The following EPHA4 variants were observed in gnomAD, a reference collection of about 807,000 sequenced individuals.
The protein encoded by EPHA4 is EPH receptor A4.
EPHA4 carries 19 observed loss-of-function variants against 108.3 expected under a neutral mutation model. That is an observed-to-expected ratio of 0.18 (90% CI 0.12 to 0.26). EPHA4 has a LOEUF of 0.26. Ranked by LOEUF, EPHA4 falls within the 10% of genes least tolerant of loss-of-function variation. The pLI is 1.00. For synonymous variants in EPHA4, 449 were observed against 455.5 expected (o/e 0.99, Z 0.18); for missense variants, 917 against 1,254.0 (o/e 0.73, Z 4.06).
chr2:221,425,550 CAAGCCCTAA>C lies in EPHA4; in HGVS notation c.*469_*477del, dbSNP rs1210594070. 6.5e-6 allele frequency: 1 copy of C among 154,414 alleles called. No individual in the cohort carries two copies. Among genetic ancestry groups the C allele is most frequent in the Admixed American group, 6.4e-5 (1 of 15,552 alleles). 9.6% of individuals were successfully genotyped at this position (154,414 alleles called of 1,614,324 possible). A position where few individuals can be genotyped will look rare whatever the true frequency, so the allele number is the denominator to read the frequency against. The stretch of plus-strand genomic sequence containing the variant: ...CTTTTTTTTCCCCCATGGTATGAAC[CAAGCCCTAA>C]AAGCCACAGCTGAGTCCTTAAAAAA... On this transcript the variant is annotated 3_prime_UTR_variant, in exon 17 of 18. Coordinates refer to ENST00000281821, the MANE Select transcript of EPHA4 (RefSeq NM_004438.5).
rs2106216424 is a variant in EPHA4 at position 221,571,138 on chromosome 2, A to T, written c.91+1020T>A. Among the ~76,000 whole-genome samples, 1 of 152,060 alleles carries T rather than the reference A, an allele frequency of 6.6e-6. No individual in the cohort carries two copies. Among genetic ancestry groups the T allele is most frequent in the Middle Eastern group, 3.4e-3 (1 of 294 alleles). ...CGCGCACCTACATACACGCAGTTGC[A>T]CGCGCGCGCACACACACAGGCACAC... On this transcript the variant is annotated intron_variant, in intron 1 of 17. Coordinates refer to ENST00000281821, the MANE Select transcript of EPHA4 (RefSeq NM_004438.5). This position sits in a 1 kb window ranked among gnomAD's most constrained non-coding sequence, Gnocchi z 6.3.
At chr2:221,529,555 T>G (rs1006909081) in intron 3 of EPHA4, among the ~76,000 whole-genome samples, 1 of 152,250 alleles carries the variant, frequency 6.6e-6, no homozygotes, top group Admixed American at 6.5e-5. Context: ...ACAGAGCTAA[T>G]TATTTTGACC....
At chr2:221,528,550 C>G (rs545119477) in intron 3 of EPHA4, among the ~76,000 whole-genome samples, 2 of 152,290 alleles carry the variant, frequency 1.3e-5, no homozygotes, top group Non-Finnish European at 2.9e-5. Context: ...CTGAGTCTTG[C>G]AGTGCTTGTT....
At chr2:221,498,410 G>C (rs1443386606) in intron 4 of EPHA4, among the ~76,000 whole-genome samples, 1 of 152,140 alleles carries the variant, frequency 6.6e-6, no homozygotes, top group East Asian at 1.9e-4. Context: ...ATTGTTGGTA[G>C]CAGGTGTGGA....
intron 15 of EPHA4, among the ~76,000 whole-genome samples, chr2:221,427,251 T>G (rs1415946140): frequency 6.6e-6 from 1 of 152,210 alleles, no homozygotes; most frequent in African/African-American, 2.4e-5. Flanking sequence ...CTTTGATCAC[T>G]GTTTGGATTG....
chr2:221,448,823 A>C lies in EPHA4; in HGVS notation c.1716-2642T>G, dbSNP rs1412395576. ...ATGCATAGAGTGAGAAAGCTTTGGT[A>C]CCAACTTAAAATTGTCAATGAAACA... is the stretch of plus-strand genomic sequence containing the variant. On this transcript the variant is annotated intron_variant, in intron 8 of 17. Transcript: ENST00000281821. 2.0e-5 allele frequency among the ~76,000 whole-genome samples: 3 copies of C among 152,226 alleles called. No individual in the cohort carries two copies. The East Asian group carries it at 5.8e-4, about 29-fold the overall frequency.
intron 3 of EPHA4, among the ~76,000 whole-genome samples, chr2:221,504,359 A>AGGAGGAGGAGAAAGG (rs1692570286): frequency 6.6e-6 from 1 of 152,094 alleles, no homozygotes; most frequent in Admixed American, 6.6e-5. Context: ...GAGGAGAAGG[A>AGGAGGAGGAGAAAGG]GGAGGAGGAA....
At chr2:221,570,365 C>G (rs1292588696) in intron 1 of EPHA4, among the ~76,000 whole-genome samples, 2 of 152,074 alleles carry the variant, frequency 1.3e-5, no homozygotes, top group Admixed American at 1.3e-4. Context: ...AGAAAACAGT[C>G]TCTACATCTG....
intron 3 of EPHA4, among the ~76,000 whole-genome samples, chr2:221,545,251 C>T (rs1041194391): frequency 9.3e-6 from 1 of 107,224 alleles, no homozygotes; most frequent in East Asian, 2.3e-4. Context: ...GGGCGGATCA[C>T]GAGGTCGGGA....
At chr2:221,492,664 A>AG (rs1313634279) in intron 4 of EPHA4, among the ~76,000 whole-genome samples, 5 of 152,238 alleles carry the variant, frequency 3.3e-5, no homozygotes, top group Non-Finnish European at 7.3e-5. Flanking sequence ...TTGAACTACT[A>AG]AGCTCTAACT....
At position 221,482,522 on chromosome 2, in the gene EPHA4, C is replaced by A. The variant is rs760885287; in HGVS notation, c.1148G>T (p.Gly383Val). ...DPSKCRPCGS[G>V]VHYTPQQNGL... ...ATTCTGCTGTGGGGTGTAGTGGACC[C>A]CACTTCCACAGGGTCGGCACTTGCT... is the stretch of plus-strand genomic sequence containing the variant. Residue 383 changes from glycine (G) to valine (V), a missense_variant, in exon 5 of 18, where the codon GGG becomes GTG. This residue lies in a region of EPHA4 where 758 missense variants were observed against 1,076.7 expected (regional missense o/e 0.70). Coordinates refer to ENST00000281821, the MANE Select transcript of EPHA4 (RefSeq NM_004438.5). The A allele has an allele frequency of 6.2e-7, 1 of 1,613,978 alleles. No individual in the cohort carries two copies. Among genetic ancestry groups the A allele is most frequent in the Admixed American group, 1.7e-5 (1 of 60,016 alleles).
At chr2:221,462,276 A>C (rs1316035806) in intron 5 of EPHA4, among the ~76,000 whole-genome samples, 1 of 152,094 alleles carries the variant, frequency 6.6e-6, no homozygotes, top group Non-Finnish European at 1.5e-5. Flanking sequence ...TGTGTGATTT[A>C]ATTCAATGGA....
rs1428652068 is a variant in EPHA4 at position 221,499,752 on chromosome 2, ATATATTTTTT to A, written c.979+1255_979+1264del. On this transcript the variant is annotated intron_variant, in intron 4 of 17. Transcript: ENST00000281821. ...TATATATATATATATATATATATAT[ATATATTTTTT>A]TTTTTTTTTTTTGAGACAGAGTTTT... 8.9e-3 allele frequency among the ~76,000 whole-genome samples: 367 copies of A among 41,102 alleles called. 1 individual carries two copies. The highest frequency in any genetic ancestry group is 0.05 in the African/African-American group (349 of 6,944). 27.0% of individuals were successfully genotyped at this position (41,102 alleles called of 152,430 possible).
At chr2:221,464,038 G>A (rs1364079068) in intron 5 of EPHA4, among the ~76,000 whole-genome samples, 1 of 152,152 alleles carries the variant, frequency 6.6e-6, no homozygotes, top group Non-Finnish European at 1.5e-5. Context: ...CTGTGGGCAA[G>A]GAGGAGTGAA....
At chr2:221,554,541 G>T (rs572377522) in intron 3 of EPHA4, among the ~76,000 whole-genome samples, 2 of 152,232 alleles carry the variant, frequency 1.3e-5, no homozygotes, top group East Asian at 3.9e-4. Context: ...ATAAAGGTAA[G>T]GTTAAAAAAT....
chr2:221,482,116 A>G, intron 5 of EPHA4, among the ~76,000 whole-genome samples: 1 of 152,038 alleles, frequency 6.6e-6, no homozygotes, highest in East Asian at 1.9e-4. Context: ...CGTGTTGCCC[A>G]GTCTGGTCTT....
At chr2:221,521,158 A>G (rs536390986) in intron 3 of EPHA4, among the ~76,000 whole-genome samples, 27 of 152,078 alleles carry the variant, frequency 1.8e-4, no homozygotes, top group Non-Finnish European at 3.8e-4. Flanking sequence ...CCTATTCTCA[A>G]CCCTCGGACT....
Position 221,443,577 on chromosome 2 carries a change from A to G in EPHA4, c.1804T>C (p.Tyr602His). Reference sequence around the variant, plus strand: ...CGCACTGCTTGGTTGGGATCTTCGTACGTAAAGGGGTCCACATATGTTCTT... The same window carrying G: ...CGCACTGCTTGGTTGGGATCTTCGTGCGTAAAGGGGTCCACATATGTTCTT... ...GVRTYVDPFTYEDPNQAVREF... is the reference protein window; with the variant it reads ...GVRTYVDPFTHEDPNQAVREF... Residue 602 changes from tyrosine (Y) to histidine (H), a missense_variant, in exon 10 of 18, where the codon TAC (tyrosine) becomes CAC (histidine). By Grantham distance (83) the Tyr-to-His change is moderately conservative (BLOSUM62 2). Coordinates refer to ENST00000281821, the MANE Select transcript of EPHA4 (RefSeq NM_004438.5). The G allele has an allele frequency of 1.2e-6, 2 of 1,614,026 alleles. No individual in the cohort carries two copies. Among genetic ancestry groups the G allele is most frequent in the Non-Finnish European group, 1.7e-6 (2 of 1,179,962 alleles).
chr2:221,548,231 C>A (rs1281212087), intron 3 of EPHA4, among the ~76,000 whole-genome samples: 2 of 152,160 alleles, frequency 1.3e-5, no homozygotes, highest in Non-Finnish European at 2.9e-5. Flanking sequence ...GCGCCGCATG[C>A]CTGTAGTCCC....
Sources: allele counts gnomAD v4.1 joint callset (sites outside exome capture counted in the v4.1 genomes callset), GRCh38; gene constraint gnomAD v4.1.1; regional missense constraint gnomAD v4.1.1; non-coding constraint Gnocchi (gnomAD v3.1); transcripts MANE v1.5; gene names NCBI Gene and HGNC (gene_info 2026-07-23, HGNC 2026-07-21).